The following MYO1E variants were observed in gnomAD, a reference collection of about 807,000 sequenced individuals.
MYO1E encodes myosin IE, also known as unconventional myosin-Ie.
In MYO1E, 68 loss-of-function variants were observed where a neutral mutation model predicts 151.1. That is an observed-to-expected ratio of 0.45 (90% CI 0.37 to 0.55). The LOEUF is 0.55. Ranked by LOEUF, MYO1E falls within the 20% of genes least tolerant of loss-of-function variation. The pLI is 0.00. For missense variants in MYO1E, 1,363 were observed against 1,389.3 expected, an observed-to-expected ratio of 0.98 and a Z score of 0.30; for synonymous variants, 601 against 501.7, an observed-to-expected ratio of 1.20 and a Z score of -2.64.
intron 1 of MYO1E, among the ~76,000 whole-genome samples, chr15:59,309,240 T>C (rs1291690811): frequency 3.9e-5 from 6 of 152,190 alleles, no homozygotes; most frequent in Non-Finnish European, 4.4e-5. Flanking sequence ...CATTAACTGA[T>C]GTCTATCCTC....
At chr15:59,255,478 T>G (rs1202542995) in intron 4 of MYO1E, among the ~76,000 whole-genome samples, 1 of 152,022 alleles carries the variant, frequency 6.6e-6, no homozygotes, top group Non-Finnish European at 1.5e-5. Context: ...CACTGCAACC[T>G]CCTCATCCCA....
intron 1 of MYO1E, among the ~76,000 whole-genome samples, chr15:59,346,455 C>T (rs2080794709): frequency 6.6e-6 from 1 of 152,184 alleles, no homozygotes; most frequent in Non-Finnish European, 1.5e-5. Flanking sequence ...CAAAATGCTA[C>T]AATCCCTCTA....
At position 59,252,409 on chromosome 15, in the gene MYO1E, C is replaced by G. The variant is rs117364741; in HGVS notation, c.332+3875G>C. Among the ~76,000 whole-genome samples the G allele has an allele frequency of 1.6e-3, 237 of 152,074 alleles. 5 individuals are homozygous for G. The East Asian group carries it at 0.037, about 24-fold the overall frequency. On this transcript the variant is annotated intron_variant, in intron 4 of 27. Transcript: ENST00000288235. ...ACCAGCCTGGCTAACATGGTGAAAC[C>G]CTGTCTACTAAAAATGCAAAAGAGG...
intron 1 of MYO1E, among the ~76,000 whole-genome samples, chr15:59,304,697 G>A (rs562578608): frequency 9.2e-5 from 14 of 152,220 alleles, no homozygotes; most frequent in African/African-American, 1.7e-4. Context: ...AGAAATGCCC[G>A]GGAATCAGGC....
chr15:59,296,569 G>A (rs768483171), intron 1 of MYO1E, among the ~76,000 whole-genome samples: 10 of 152,096 alleles, frequency 6.6e-5, no homozygotes, highest in South Asian at 4.1e-4. Flanking sequence ...AAACACAGTC[G>A]GGACGTGCTG....
intron 1 of MYO1E, among the ~76,000 whole-genome samples, chr15:59,319,431 C>T (rs1203496330): frequency 6.6e-6 from 1 of 151,660 alleles, no homozygotes; most frequent in African/African-American, 2.4e-5. Context: ...ATGCAATTGC[C>T]CTGACATTTC....
chr15:59,287,326 T>C (rs564965896), intron 1 of MYO1E, among the ~76,000 whole-genome samples: 6 of 152,364 alleles, frequency 3.9e-5, no homozygotes, highest in African/African-American at 1.4e-4. Context: ...ACGGGAGCCT[T>C]ATCTTCTATT....
rs1263320845 is a variant in MYO1E at position 59,151,436 on chromosome 15, CAAA to C, written c.3080+2151_3080+2153del. Among the ~76,000 whole-genome samples the C allele has an allele frequency of 1.5e-3, 221 of 151,632 alleles. 1 individual carries two copies. The highest frequency in any genetic ancestry group is 5.2e-3 in the African/African-American group (214 of 41,278). On this transcript the variant is annotated intron_variant, in intron 26 of 27. Transcript: ENST00000288235. ...AGAACAAGACTCCATCTCAAACAAA[CAAA>C]AAACCCCCCCCAAAAAAACCAACTA...
intron 16 of MYO1E, among the ~76,000 whole-genome samples, chr15:59,201,253 T>C (rs186110096): frequency 6.6e-6 from 1 of 151,946 alleles, no homozygotes; most frequent in African/African-American, 2.4e-5. Context: ...TGTGAGCCAC[T>C]ACACCTCATT....
intron 1 of MYO1E, among the ~76,000 whole-genome samples, chr15:59,345,802 A>T (rs1388508728): frequency 6.6e-6 from 1 of 152,196 alleles, no homozygotes; most frequent in Non-Finnish European, 1.5e-5. Flanking sequence ...TCTGTGAGTT[A>T]TCCATGGTTT....
intron 1 of MYO1E, among the ~76,000 whole-genome samples, chr15:59,288,690 G>A (rs1220051857): frequency 6.6e-6 from 1 of 152,180 alleles, no homozygotes; most frequent in Non-Finnish European, 1.5e-5. Context: ...TAATAGGAGG[G>A]ACAGGATTCA....
At chr15:59,269,649 A>C (rs533071459) in intron 2 of MYO1E, among the ~76,000 whole-genome samples, 1 of 152,246 alleles carries the variant, frequency 6.6e-6, no homozygotes, top group South Asian at 2.1e-4. Context: ...TGAGGTGAAG[A>C]GATTGAGACC....
At chr15:59,263,872 C>T (rs1236206146) in intron 2 of MYO1E, among the ~76,000 whole-genome samples, 1 of 151,834 alleles carries the variant, frequency 6.6e-6, no homozygotes, top group Non-Finnish European at 1.5e-5. Context: ...CAGATGAGGC[C>T]AATGATAGAT....
chr15:59,367,452 G>A (rs2080920873), intron 1 of MYO1E, among the ~76,000 whole-genome samples: 1 of 152,172 alleles, frequency 6.6e-6, no homozygotes, highest in Non-Finnish European at 1.5e-5. Context: ...GGAGTTGAAG[G>A]GTTGAAGAGA....
intron 12 of MYO1E, among the ~76,000 whole-genome samples, chr15:59,213,247 T>C (rs563078477): frequency 6.1e-4 from 93 of 151,976 alleles, no homozygotes; most frequent in African/African-American, 2.1e-3. Context: ...CTCAGCTCAC[T>C]GCAACCTCTG....
intron 24 of MYO1E, among the ~76,000 whole-genome samples, chr15:59,160,290 A>G (rs2079530075): frequency 1.3e-5 from 2 of 152,022 alleles, no homozygotes; most frequent in South Asian, 2.1e-4. Flanking sequence ...TTATAAATAC[A>G]AAAATAAAGG....
intron 7 of MYO1E, among the ~76,000 whole-genome samples, chr15:59,225,936 G>A (rs1374405721): frequency 3.9e-5 from 6 of 152,070 alleles, no homozygotes; most frequent in Admixed American, 6.5e-5. Flanking sequence ...GTGAGCCACC[G>A]CACCCAGCCA....
At chr15:59,140,531 TG>T (rs1246617608) in intron 26 of MYO1E, among the ~76,000 whole-genome samples, 12 of 152,092 alleles carry the variant, frequency 7.9e-5, no homozygotes, top group African/African-American at 2.7e-4. Context: ...CTCAACAGGG[TG>T]GGGCTGGCTG....
chr15:59,231,444 T>G (rs1349121293), intron 6 of MYO1E, among the ~76,000 whole-genome samples: 1 of 152,250 alleles, frequency 6.6e-6, no homozygotes, highest in African/African-American at 2.4e-5. Context: ...AGCTGCCACT[T>G]TCATCATTTA....
Sources: gnomAD v4.1 joint callset for allele counts (sites outside exome capture counted in the v4.1 genomes callset) on GRCh38, gnomAD v4.1.1 for gene constraint, MANE v1.5 for transcripts, NCBI Gene and HGNC (gene_info 2026-07-23, HGNC 2026-07-21) for gene names.